PTPN2: variants seen among roughly 807,000 people sequenced by gnomAD.
PTPN2 encodes tyrosine-protein phosphatase non-receptor type 2.
PTPN2 carries 19 observed loss-of-function variants against 57.3 expected under a neutral mutation model. The ratio of observed to expected loss-of-function variants is 0.33; its 90% CI spans 0.23 to 0.49. PTPN2 has a LOEUF of 0.49. PTPN2 is among the 20% of genes least tolerant of loss of function. The pLI, the probability that PTPN2 is intolerant of heterozygous loss-of-function variation, is 0.99. For synonymous variants in PTPN2, 153 were observed against 164.9 expected (o/e 0.93, Z 0.55); for missense variants, 358 against 501.1 (o/e 0.71, Z 2.73).
At chr18:12,883,982 G>A (rs1007367026) in intron 1 of PTPN2, 91 bp downstream of exon 1, 3 of 1,179,114 alleles carry the variant, frequency 2.5e-6, no homozygotes, top group African/African-American at 3.1e-5. Flanking sequence ...CTAGAGGCGA[G>A]AGGCGGGGGA....
At chr18:12,846,675 T>C (rs890670469) in intron 2 of PTPN2, among the ~76,000 whole-genome samples, 2 of 152,200 alleles carry the variant, frequency 1.3e-5, no homozygotes, top group Admixed American at 6.5e-5. Context: ...CTCCTCCTAG[T>C]GGAGAATAAA....
intron 1 of PTPN2, among the ~76,000 whole-genome samples, chr18:12,869,874 T>G (rs2044127493): frequency 6.6e-6 from 1 of 152,136 alleles, no homozygotes; most frequent in African/African-American, 2.4e-5. Context: ...GCATATACTC[T>G]CTACAAAGAT....
intron 1 of PTPN2, among the ~76,000 whole-genome samples, chr18:12,878,170 C>T (rs1374152839): frequency 1.3e-5 from 2 of 151,860 alleles, no homozygotes; most frequent in African/African-American, 4.8e-5. Context: ...AACCCTGTCT[C>T]TACAAAAAAT....
At chr18:12,870,353 GTATATATATGTGTATATATACA>G (rs1446102938) in intron 1 of PTPN2, among the ~76,000 whole-genome samples, 8 of 37,324 alleles carry the variant, frequency 2.1e-4, no homozygotes, top group Non-Finnish European at 3.5e-4. Context: ...ATATATATGT[GTATATATATGTGTATATATACA>G]TATATATACG....
chr18:12,824,461 G>A (rs968991822), intron 5 of PTPN2, among the ~76,000 whole-genome samples: 1 of 151,962 alleles, frequency 6.6e-6, no homozygotes, highest in African/African-American at 2.4e-5. Context: ...TCTCTTTAAG[G>A]TTTTTTTGTA....
At chr18:12,870,364 T>TGTATATATACATATATATAC (rs1568169005) in intron 1 of PTPN2, among the ~76,000 whole-genome samples, 6 of 34,634 alleles carry the variant, frequency 1.7e-4, no homozygotes, top group Non-Finnish European at 3.1e-4. Flanking sequence ...TATATATATG[T>TGTATATATACATATATATAC]GTATATATAC....
At chr18:12,822,323 C>T (rs925030735) in intron 5 of PTPN2, among the ~76,000 whole-genome samples, 2 of 152,140 alleles carry the variant, frequency 1.3e-5, no homozygotes, top group African/African-American at 4.8e-5. Context: ...ATTCCTGGAA[C>T]TCACTAAACG....
intron 2 of PTPN2, among the ~76,000 whole-genome samples, chr18:12,843,613 C>A (rs1353535337): frequency 6.6e-6 from 1 of 152,136 alleles, no homozygotes; most frequent in Non-Finnish European, 1.5e-5. Flanking sequence ...CTGATCAGCT[C>A]CGCTGGTGGA....
intron 7 of PTPN2, among the ~76,000 whole-genome samples, chr18:12,805,286 A>G (rs1598747978): frequency 6.6e-6 from 1 of 151,770 alleles, no homozygotes; most frequent in Admixed American, 6.6e-5. Context: ...GTGAAACCCC[A>G]TCTCTACTAT....
intron 6 of PTPN2, among the ~76,000 whole-genome samples, chr18:12,815,410 CAAATAAAT>C (rs748715634): frequency 4.0e-5 from 6 of 150,892 alleles, no homozygotes; most frequent in Non-Finnish European, 5.9e-5. Context: ...AACTTCGTCT[CAAATAAAT>C]AAATAAATAA....
intron 2 of PTPN2, among the ~76,000 whole-genome samples, chr18:12,849,103 G>A (rs2043306748): frequency 6.6e-6 from 1 of 152,288 alleles, no homozygotes; most frequent in Middle Eastern, 3.4e-3. Flanking sequence ...TCATCATTAT[G>A]AGTGATGTTG....
intron 5 of PTPN2, among the ~76,000 whole-genome samples, chr18:12,822,604 C>T (rs1186851178): frequency 2.0e-5 from 3 of 152,148 alleles, no homozygotes; most frequent in Non-Finnish European, 2.9e-5. Context: ...TAGACAACAG[C>T]TTTACCTTTG....
chr18:12,841,936 C>T (rs1204755765), intron 2 of PTPN2, among the ~76,000 whole-genome samples: 3 of 145,218 alleles, frequency 2.1e-5, no homozygotes, highest in South Asian at 2.2e-4. Flanking sequence ...GATGGAGTTT[C>T]GCTCTTGTTG....
intron 2 of PTPN2, among the ~76,000 whole-genome samples, chr18:12,849,577 A>AT (rs1555674444): frequency 4.3e-5 from 6 of 139,892 alleles, no homozygotes; most frequent in Admixed American, 1.5e-4. Flanking sequence ...AAATAAATAA[A>AT]AAATAAAAAA....
intron 3 of PTPN2, among the ~76,000 whole-genome samples, chr18:12,833,977 C>T (rs181522700): frequency 2.1e-4 from 32 of 152,294 alleles, no homozygotes; most frequent in African/African-American, 3.9e-4. Flanking sequence ...TCTGAGTTCT[C>T]GCATTAAATG....
At chr18:12,786,856 C>T (rs1229696370) in intron 9 of PTPN2, 5 of 152,168 alleles carry the variant, frequency 3.3e-5, no homozygotes, top group Admixed American at 2.0e-4. Flanking sequence ...CCAACAGTGA[C>T]GGAGAAATGT....
At chr18:12,787,571 TGAA>T (rs2040873624), downstream of PTPN2, 1 of 152,208 alleles carries the variant, frequency 6.6e-6, no homozygotes, top group African/African-American at 2.4e-5. Context: ...TTATAACAAC[TGAA>T]GGACGGGGTT....
intron 1 of PTPN2, among the ~76,000 whole-genome samples, chr18:12,861,262 C>A (rs1036859722): frequency 1.3e-5 from 2 of 152,174 alleles, no homozygotes; most frequent in African/African-American, 4.8e-5. Context: ...CTGTTATTAG[C>A]CTGCACGTGG....
intron 1 of PTPN2, among the ~76,000 whole-genome samples, chr18:12,861,323 A>C (rs1417201106): frequency 6.6e-6 from 1 of 152,196 alleles, no homozygotes; most frequent in Non-Finnish European, 1.5e-5. Flanking sequence ...TTGACTTAAT[A>C]CCATTTATTG....
Sources: allele counts gnomAD v4.1 joint callset (sites outside exome capture counted in the v4.1 genomes callset), GRCh38; gene constraint gnomAD v4.1.1; transcripts MANE v1.5; gene names NCBI Gene and HGNC (gene_info 2026-07-23, HGNC 2026-07-21).